Variants in RELN observed in about 807,000 individuals in gnomAD.
RELN encodes reelin.
A neutral mutation model predicts 427.6 loss-of-function variants in RELN; 108 were observed. The observed-to-expected ratio is 0.25, with a 90% CI of 0.22 to 0.30. The LOEUF is 0.30. Among genes scored for constraint, RELN ranks in the 10% least tolerant of loss-of-function variants. The probability of loss-of-function intolerance (pLI) is 1.00; values close to 1 mark genes in which losing one functional copy is unlikely to be tolerated. For synonymous variants in RELN, 1,524 were observed against 1,513.4 expected, an observed-to-expected ratio of 1.01 and a Z score of -0.16; for missense variants, 3,715 against 4,302.8, an observed-to-expected ratio of 0.86 and a Z score of 3.82.
At chr7:103,666,107 A>G (rs1207184961) in intron 11 of RELN, among the ~76,000 whole-genome samples, 1 of 151,684 alleles carries the variant, frequency 6.6e-6, no homozygotes, top group Non-Finnish European at 1.5e-5. Flanking sequence ...TCTGTTGTTC[A>G]GGCTGGAGTG....
chr7:103,590,499 G>A (rs1273150453), intron 27 of RELN, among the ~76,000 whole-genome samples: 1 of 152,040 alleles, frequency 6.6e-6, no homozygotes, highest in African/African-American at 2.4e-5. Flanking sequence ...GGCGGAGGTT[G>A]CAGTGAGCTG....
chr7:103,805,463 T>C (rs1792575533), intron 3 of RELN, among the ~76,000 whole-genome samples: 3 of 146,732 alleles, frequency 2.0e-5, no homozygotes, highest in Non-Finnish European at 3.1e-5. Context: ...AAAACTGTCA[T>C]TAAAATTTGA....
At chr7:103,601,454 A>T (rs533729730) in intron 24 of RELN, among the ~76,000 whole-genome samples, 40 of 152,294 alleles carry the variant, frequency 2.6e-4, no homozygotes, top group Non-Finnish European at 5.6e-4. Context: ...TTGTATTTGC[A>T]TAAATTAACA....
chr7:103,737,019 T>C (rs1294971790), intron 6 of RELN, among the ~76,000 whole-genome samples: 1 of 151,960 alleles, frequency 6.6e-6, no homozygotes, highest in Non-Finnish European at 1.5e-5. Flanking sequence ...GAGCAGAAAG[T>C]GGTGAAGAAA....
chr7:103,971,989 C>G (rs1043554100), intron 1 of RELN, among the ~76,000 whole-genome samples: 2 of 152,118 alleles, frequency 1.3e-5, no homozygotes, highest in Non-Finnish European at 2.9e-5. Context: ...AGGAGAATCA[C>G]TTGAACTCAT....
chr7:103,977,409 A>T (rs1345613430), intron 1 of RELN, among the ~76,000 whole-genome samples: 1 of 151,048 alleles, frequency 6.6e-6, no homozygotes, highest in Non-Finnish European at 1.5e-5. Context: ...GTACGAGGAG[A>T]GGTCACCTAT....
chr7:103,983,479 AC>A (rs750927710), intron 1 of RELN, among the ~76,000 whole-genome samples: 1 of 152,186 alleles, frequency 6.6e-6, no homozygotes, highest in Non-Finnish European at 1.5e-5. Flanking sequence ...TTAAAGCTAC[AC>A]AATTCCTGCG....
chr7:103,930,126 G>A (rs1023633440), intron 1 of RELN, among the ~76,000 whole-genome samples: 3 of 152,166 alleles, frequency 2.0e-5, no homozygotes, highest in Admixed American at 6.5e-5. Flanking sequence ...TTTTTCCACA[G>A]TTCTGGAGGC....
At chr7:103,817,937 C>CAAAAAAAAAAAAAAAAAAAAAA (rs71154371) in intron 3 of RELN, among the ~76,000 whole-genome samples, 1 of 36,016 alleles carries the variant, frequency 2.8e-5, no homozygotes, top group East Asian at 8.1e-4. Context: ...GACTCCATCT[C>CAAAAAAAAAAAAAAAAAAAAAA]AAAAAAAAAA....
rs1002950767 is a variant in RELN at position 103,650,210 on chromosome 7, C to T, written c.2002+64G>A. ...AGAAATGTGATTAAGTCTGTGCTGACGAACAAAAGCACAGGAAGACTCTAC... is the reference window on the plus strand; with the variant it reads ...AGAAATGTGATTAAGTCTGTGCTGATGAACAAAAGCACAGGAAGACTCTAC... On this transcript the variant is annotated intron_variant, in intron 16 of 64. Transcript: ENST00000428762. The T allele has an allele frequency of 8.6e-5, 85 of 987,820 alleles. No individual in the cohort carries two copies. The Admixed American group carries it at 1.1e-3, about 12-fold the overall frequency. 61.2% of individuals were successfully genotyped at this position (987,820 alleles called of 1,614,324 possible).
At chr7:103,631,283 C>CTTT (rs1189452108) in intron 19 of RELN, among the ~76,000 whole-genome samples, 1 of 77,716 alleles carries the variant, frequency 1.3e-5, no homozygotes, top group Non-Finnish European at 2.6e-5. Flanking sequence ...TTTAAAAACA[C>CTTT]TTCTTTTTTT....
At chr7:103,669,083 G>T (rs1833333823) in intron 11 of RELN, among the ~76,000 whole-genome samples, 1 of 152,098 alleles carries the variant, frequency 6.6e-6, no homozygotes, top group South Asian at 2.1e-4. Context: ...ATATGATTCA[G>T]ACCGTATAAT....
In RELN at chr7:103,640,506, A is replaced by G; in HGVS notation, c.2069+37T>C. The G allele has an allele frequency of 1.2e-6, 2 of 1,603,810 alleles. No individual in the cohort carries two copies. The highest frequency in any genetic ancestry group is 1.7e-6 in the Non-Finnish European group (2 of 1,170,968). The stretch of plus-strand genomic sequence containing the variant: ...ACTTCAACACATACATTACACATCA[A>G]AAAGGAGAAGCATAAGTGTTATTTT... On this transcript the variant is annotated intron_variant, in intron 17 of 64. Coordinates refer to ENST00000428762, the MANE Select transcript of RELN (RefSeq NM_005045.4). The surrounding 1 kb of genome is among the most constrained non-coding windows in gnomAD (Gnocchi z 4.1).
rs149617551 is a variant in RELN, at chr7:103,600,852, T to A, written c.3333+2452A>T. ...AATAAGACAAATTTGGAATTTATTG[T>A]CATAAAATTCAACTATGATACCTAA... On this transcript the variant is annotated intron_variant, in intron 24 of 64. Transcript: ENST00000428762. Among the ~76,000 whole-genome samples the A allele has an allele frequency of 3.3e-3, 496 of 152,306 alleles. 7 individuals are homozygous for A. The highest frequency in any genetic ancestry group is 0.011 in the African/African-American group (475 of 41,574).
At chr7:103,940,603 T>G (rs763414009) in intron 1 of RELN, among the ~76,000 whole-genome samples, 50 of 152,196 alleles carry the variant, frequency 3.3e-4, no homozygotes, top group Non-Finnish European at 5.9e-4. Flanking sequence ...TCTCATTCCC[T>G]GCAGCACCCA....
chr7:103,957,092 G>A (rs1796448256), intron 1 of RELN, among the ~76,000 whole-genome samples: 1 of 152,130 alleles, frequency 6.6e-6, no homozygotes, highest in Non-Finnish European at 1.5e-5. Flanking sequence ...TGAAATTGGA[G>A]GGACACCGGG....
At chr7:103,670,210 T>C (rs1661524820) in intron 11 of RELN, among the ~76,000 whole-genome samples, 1 of 152,168 alleles carries the variant, frequency 6.6e-6, no homozygotes, top group Admixed American at 6.5e-5. Flanking sequence ...TTAAGAATGA[T>C]ATGCATTCTT....
chr7:103,696,448 C>G (rs1453290024), intron 10 of RELN, among the ~76,000 whole-genome samples: 1 of 152,146 alleles, frequency 6.6e-6, no homozygotes, highest in Non-Finnish European at 1.5e-5. Context: ...TGCTTTCCCT[C>G]AAGATAATCA....
At chr7:103,964,784 A>G (rs1796628937) in intron 1 of RELN, among the ~76,000 whole-genome samples, 1 of 152,198 alleles carries the variant, frequency 6.6e-6, no homozygotes, top group Non-Finnish European at 1.5e-5. Flanking sequence ...AGTCCTCTAA[A>G]ATGGGACCAC....
Sources: allele counts gnomAD v4.1 joint callset (sites outside exome capture counted in the v4.1 genomes callset), GRCh38; gene constraint gnomAD v4.1.1; non-coding constraint Gnocchi (gnomAD v3.1); transcripts MANE v1.5; gene names NCBI Gene and HGNC (gene_info 2026-07-23, HGNC 2026-07-21).